The following ZNF724 variants were observed in gnomAD, a reference collection of about 807,000 sequenced individuals.
The protein encoded by ZNF724 is zinc finger protein 724 pseudogene.
Under a neutral mutation model 29.3 loss-of-function variants are expected in ZNF724, and 14 were observed. The ratio of observed to expected loss-of-function variants is 0.48; its 90% CI spans 0.32 to 0.75. The LOEUF is 0.75. Ranked by LOEUF, ZNF724 falls within the 30% of genes least tolerant of loss-of-function variation. The pLI, the probability that ZNF724 is intolerant of heterozygous loss-of-function variation, is 0.04. For synonymous variants in ZNF724, 180 were observed against 193.6 expected (o/e 0.93, Z 0.58); for missense variants, 557 against 571.2 (o/e 0.98, Z 0.25).
intron 2 of ZNF724, among the ~76,000 whole-genome samples, chr19:23,231,742 CT>C (rs535413013): frequency 1.3e-5 from 2 of 150,000 alleles, no homozygotes; most frequent in African/African-American, 4.9e-5. Context: ...CTTTCTCTCC[CT>C]TTTTTTTTGA....
At chr19:23,245,110 C>T (rs1454553979) in intron 1 of ZNF724, among the ~76,000 whole-genome samples, 2 of 152,192 alleles carry the variant, frequency 1.3e-5, no homozygotes, top group East Asian at 3.9e-4. Flanking sequence ...TTAGATGATG[C>T]ACTCTTTTCT....
intron 1 of ZNF724, among the ~76,000 whole-genome samples, chr19:23,246,970 C>G (rs1972248682): frequency 6.6e-6 from 1 of 152,190 alleles, no homozygotes; most frequent in African/African-American, 2.4e-5. Context: ...CGCCTGTAAT[C>G]CCAGCACTTT....
At chr19:23,245,473 C>G (rs890437864) in intron 1 of ZNF724, among the ~76,000 whole-genome samples, 2 of 152,082 alleles carry the variant, frequency 1.3e-5, no homozygotes, top group Non-Finnish European at 2.9e-5. Context: ...ATTAGCCAGG[C>G]GTGGTGGCGG....
rs1971732058 is a variant in ZNF724, at chr19:23,222,428, G to A, written c.1817C>T (p.Thr606Ile). 3 of 1,240,620 alleles carry A rather than the reference G, an allele frequency of 2.4e-6. No individual in the cohort carries two copies. In the South Asian group the frequency reaches 3.6e-5, roughly 15 times the overall value. 76.9% of individuals were successfully genotyped at this position (1,240,620 alleles called of 1,614,324 possible). Reference protein sequence around the residue: ...GKAFNQCSNLTTHKKIHAVEK... With the variant: ...GKAFNQCSNLITHKKIHAVEK... ...TACAGCATGAATTTTCTTGTGTGTA[G>A]TAAGGTTTGAGCATTGGTTAAAAGC... is the stretch of plus-strand genomic sequence containing the variant. Residue 606 changes from threonine (T) to isoleucine (I), a missense_variant, in exon 4 of 4, where the codon ACT becomes ATT. Transcript: ENST00000418100.
chr19:23,234,891 T>C (rs912527871), intron 1 of ZNF724, among the ~76,000 whole-genome samples: 2 of 152,240 alleles, frequency 1.3e-5, no homozygotes, highest in Non-Finnish European at 2.9e-5. Context: ...TTGCTTCTTC[T>C]AGGCTCATCA....
intron 1 of ZNF724, chr19:23,242,726 G>GTAATAATAATAATAATAA (rs34763800): frequency 5.6e-5 from 8 of 142,740 alleles, no homozygotes; most frequent in African/African-American, 1.8e-4. Flanking sequence ...AAAAGAAAAA[G>GTAATAATAATAATAATAA]TAATAATAAT....
Position 23,244,251 on chromosome 19 carries a change from G to A in ZNF724, c.3+5989C>T, listed in dbSNP as rs923082132. ...GTTGCTGCTGCAGATTCGGTGTCTG[G>A]GGAACAGGAATATGCCGGGAGACTC... On this transcript the variant is annotated intron_variant, in intron 1 of 3. Transcript: ENST00000418100. 5.9e-5 allele frequency among the ~76,000 whole-genome samples: 9 copies of A among 152,148 alleles called. No individual in the cohort carries two copies. The South Asian group carries it at 1.5e-3, about 25-fold the overall frequency.
intron 3 of ZNF724, among the ~76,000 whole-genome samples, chr19:23,229,119 T>C (rs959129979): frequency 2.0e-5 from 3 of 149,856 alleles, no homozygotes; most frequent in Admixed American, 6.6e-5. Flanking sequence ...AGGGAGGGAG[T>C]TGTGAAACTC....
intron 1 of ZNF724, among the ~76,000 whole-genome samples, chr19:23,244,257 A>C (rs1223298729): frequency 6.6e-6 from 1 of 152,122 alleles, no homozygotes; most frequent in East Asian, 1.9e-4. Flanking sequence ...TCTGGGGAAC[A>C]GGAATATGCC....
intron 3 of ZNF724, among the ~76,000 whole-genome samples, chr19:23,229,065 A>T (rs537214804): frequency 2.1e-3 from 280 of 130,882 alleles, no homozygotes; most frequent in African/African-American, 8.2e-3. Flanking sequence ...TCCGTCTCAA[A>T]AGAAAAAAAA....
At chr19:23,231,171 C>A in intron 3 of ZNF724, 95 bp downstream of exon 3, 3 of 965,292 alleles carry the variant, frequency 3.1e-6, no homozygotes, top group Non-Finnish European at 4.6e-6. Context: ...GCATGAGCCA[C>A]CACACCTGGC....
intron 1 of ZNF724, among the ~76,000 whole-genome samples, chr19:23,238,090 C>T (rs1972052815): frequency 6.6e-6 from 1 of 152,080 alleles, no homozygotes. Flanking sequence ...ACAACAACAA[C>T]AACAACAACA....
At chr19:23,231,926 G>A (rs1246887007) in intron 2 of ZNF724, among the ~76,000 whole-genome samples, 1 of 151,854 alleles carries the variant, frequency 6.6e-6, no homozygotes, top group African/African-American at 2.4e-5. Flanking sequence ...AAGTAGAGGT[G>A]GGGTTTCACC....
At chr19:23,250,131 G>A (rs981493924) in intron 1 of ZNF724, 109 bp downstream of exon 1, 2 of 549,532 alleles carry the variant, frequency 3.6e-6, no homozygotes, top group African/African-American at 1.9e-5. Context: ...AACTCAGGGC[G>A]CAGTTTGTGG....
At chr19:23,250,075 C>T (rs1020264979) in intron 1 of ZNF724, among the ~76,000 whole-genome samples, 165 bp downstream of exon 1, 1 of 152,148 alleles carries the variant, frequency 6.6e-6, no homozygotes, top group Non-Finnish European at 1.5e-5. Flanking sequence ...TCAGCGAAGC[C>T]GCCATCTTAT....
chr19:23,237,324 G>C lies in ZNF724; in HGVS notation c.4-5031C>G, dbSNP rs148431151. 2.1e-4 allele frequency among the ~76,000 whole-genome samples: 32 copies of C among 152,198 alleles called. 1 individual carries two copies. The East Asian group carries it at 4.8e-3, about 23-fold the overall frequency. The stretch of plus-strand genomic sequence containing the variant: ...AGTATTCGAGTTTAGTAAAATAAAA[G>C]ATACTGAAATCATGCTTACCTATAT... On this transcript the variant is annotated intron_variant, in intron 1 of 3. Transcript: ENST00000418100.
At position 23,224,031 on chromosome 19, in the gene ZNF724, A is replaced by G. The variant is rs1319943347; in HGVS notation, c.227-13T>C. On this transcript the variant is annotated splice_polypyrimidine_tract_variant and intron_variant, in intron 3 of 3. Transcript: ENST00000418100. The stretch of plus-strand genomic sequence containing the variant: ...TAACAACACATACCTGAAAGAAATA[A>G]AAATAACAACTTACTCCACATACTA... 3 of 629,698 alleles carry G rather than the reference A, an allele frequency of 4.8e-6. No individual in the cohort carries two copies. The highest frequency in any genetic ancestry group is 8.5e-6 in the Non-Finnish European group (3 of 352,662). 39.0% of individuals were successfully genotyped at this position (629,698 alleles called of 1,614,324 possible).
chr19:23,225,549 T>A (rs1971811367), intron 3 of ZNF724, among the ~76,000 whole-genome samples: 1 of 152,034 alleles, frequency 6.6e-6, no homozygotes, highest in East Asian at 1.9e-4. Context: ...GAGGTTCCAA[T>A]GAGCCGAGAT....
In ZNF724 at chr19:23,237,995, A is replaced by G. The variant is rs370484017; in HGVS notation, c.4-5702T>C. ...TTATCATTCTGTATTGCTAAGTTTA[A>G]TCCTATCTTTGTGCTCCACTTTTTG... is the stretch of plus-strand genomic sequence containing the variant. On this transcript the variant is annotated intron_variant, in intron 1 of 3. Coordinates refer to ENST00000418100, the MANE Select transcript of ZNF724 (RefSeq NM_001355404.2). 3.9e-5 allele frequency among the ~76,000 whole-genome samples: 6 copies of G among 152,276 alleles called. No individual in the cohort carries two copies. The East Asian group carries it at 7.7e-4, about 20-fold the overall frequency.
Sources: allele counts gnomAD v4.1 joint callset (sites outside exome capture counted in the v4.1 genomes callset), GRCh38; gene constraint gnomAD v4.1.1; transcripts MANE v1.5; gene names NCBI Gene and HGNC (gene_info 2026-07-23, HGNC 2026-07-21).